Variants in GRIK4 observed in about 807,000 individuals in gnomAD.
GRIK4 encodes the protein glutamate ionotropic receptor kainate type subunit 4.
GRIK4 carries 40 observed loss-of-function variants against 104.9 expected under a neutral mutation model. The ratio of observed to expected loss-of-function variants is 0.38; its 90% CI spans 0.30 to 0.50. The LOEUF (loss-of-function observed/expected upper bound fraction) is 0.50. Among genes scored for constraint, GRIK4 ranks in the 20% least tolerant of loss-of-function variants. The pLI is 0.93. For missense variants in GRIK4, 1,047 were observed against 1,308.1 expected, an observed-to-expected ratio of 0.80 and a Z score of 3.08; for synonymous variants, 485 against 524.9, an observed-to-expected ratio of 0.92 and a Z score of 1.04.
At chr11:120,678,781 G>C (rs569445658) in intron 3 of GRIK4, among the ~76,000 whole-genome samples, 3 of 151,932 alleles carry the variant, frequency 2.0e-5, no homozygotes, top group African/African-American at 7.3e-5. Context: ...TTACAGGTAC[G>C]TGCCACCACA....
intron 3 of GRIK4, among the ~76,000 whole-genome samples, chr11:120,664,358 A>C (rs987364469): frequency 6.6e-5 from 10 of 152,254 alleles, no homozygotes; most frequent in African/African-American, 1.9e-4. Context: ...TTCATTCATT[A>C]ATTAACTCAA....
intron 3 of GRIK4, among the ~76,000 whole-genome samples, chr11:120,730,577 A>AG (rs2135390676): frequency 8.9e-6 from 1 of 112,444 alleles, no homozygotes; most frequent in African/African-American, 3.1e-5. Context: ...TATACATTTT[A>AG]GTTTTTTTTT....
In GRIK4 at chr11:120,682,291, G is replaced by C. The variant is rs147017318; in HGVS notation, c.82+21891G>C. Among the ~76,000 whole-genome samples the C allele has an allele frequency of 1.2e-3, 178 of 152,348 alleles. 5 individuals carry two copies. The East Asian group carries it at 0.03, about 26-fold the overall frequency. ...AGACGGGTGGCGGGAGGGCTTCCCT[G>C]CTGCTGGCAGAAGGCAAGATGGTGG... On this transcript the variant is annotated intron_variant, in intron 3 of 20. Coordinates refer to ENST00000527524, the MANE Select transcript of GRIK4 (RefSeq NM_014619.5).
intron 1 of GRIK4, among the ~76,000 whole-genome samples, chr11:120,579,359 G>C (rs1042767218): frequency 2.0e-5 from 3 of 152,186 alleles, no homozygotes; most frequent in African/African-American, 7.2e-5. Context: ...AGAGTTCAGG[G>C]CAGAGCCTTC....
intron 3 of GRIK4, among the ~76,000 whole-genome samples, chr11:120,683,891 C>A (rs1950236233): frequency 6.6e-6 from 1 of 152,210 alleles, no homozygotes; most frequent in Admixed American, 6.5e-5. Flanking sequence ...CTCTGGAGTA[C>A]CCGTTTGCCA....
At chr11:120,922,004 A>T (rs944504281) in intron 13 of GRIK4, among the ~76,000 whole-genome samples, 7 of 152,094 alleles carry the variant, frequency 4.6e-5, no homozygotes, top group African/African-American at 1.7e-4. Context: ...GTCACAGAGC[A>T]AGTGCCCACC....
At chr11:120,787,225 C>G (rs2186698) in intron 3 of GRIK4, among the ~76,000 whole-genome samples, 133,411 of 151,546 alleles carry the variant, frequency 0.88, 58,889 homozygotes, top group East Asian at 1. Context: ...CAGCTATTCA[C>G]GGCTGAGACA....
intron 1 of GRIK4, among the ~76,000 whole-genome samples, chr11:120,579,441 A>T (rs1305790065): frequency 2.0e-5 from 3 of 152,134 alleles, no homozygotes; most frequent in Non-Finnish European, 4.4e-5. Flanking sequence ...ACAGATGGCC[A>T]GGGTGGACAT....
At chr11:120,743,009 G>A (rs896337440) in intron 3 of GRIK4, among the ~76,000 whole-genome samples, 4 of 152,144 alleles carry the variant, frequency 2.6e-5, no homozygotes, top group Non-Finnish European at 5.9e-5. Context: ...AAGGCAGGTG[G>A]ATCATGAGGT....
At chr11:120,833,591 C>A (rs1272188035) in intron 7 of GRIK4, among the ~76,000 whole-genome samples, 1 of 152,196 alleles carries the variant, frequency 6.6e-6, no homozygotes, top group Non-Finnish European at 1.5e-5. Context: ...CTTCTGGGGG[C>A]CAGCCTTGTG....
intron 1 of GRIK4, among the ~76,000 whole-genome samples, chr11:120,528,733 T>C (rs1947890555): frequency 6.6e-6 from 1 of 152,162 alleles, no homozygotes; most frequent in African/African-American, 2.4e-5. Flanking sequence ...GCAGGGAAAC[T>C]GCCCCTCATA....
chr11:120,529,233 G>A (rs1947898548), intron 1 of GRIK4, among the ~76,000 whole-genome samples: 1 of 152,130 alleles, frequency 6.6e-6, no homozygotes, highest in African/African-American at 2.4e-5. Context: ...CTGAGCTGTG[G>A]GAGGCCAGGC....
intron 1 of GRIK4, among the ~76,000 whole-genome samples, chr11:120,599,529 T>G (rs1268715604): frequency 1.3e-5 from 2 of 152,224 alleles, no homozygotes; most frequent in African/African-American, 4.8e-5. Context: ...AAGGAACGGT[T>G]CAGAAGAATG....
At chr11:120,827,375 C>T (rs929036192) in intron 6 of GRIK4, among the ~76,000 whole-genome samples, 1 of 152,196 alleles carries the variant, frequency 6.6e-6, no homozygotes, top group Non-Finnish European at 1.5e-5. Context: ...CTCATCGATC[C>T]GTCCCGCTGC....
Position 120,940,283 on chromosome 11 carries a change from C to A in GRIK4, c.1477-64C>A. On this transcript the variant is annotated intron_variant, in intron 13 of 20. Transcript: ENST00000527524. The surrounding 1 kb of genome is among the most constrained non-coding windows in gnomAD (Gnocchi z 4.3). ...TCCAATAGCAGTGACGGTTGCTGGTCGCAAGTCTCTGTGCCTCTTCTCCTA... is the reference window on the plus strand; with the variant it reads ...TCCAATAGCAGTGACGGTTGCTGGTAGCAAGTCTCTGTGCCTCTTCTCCTA... The A allele has an allele frequency of 1.0e-6, 1 of 968,890 alleles. No individual in the cohort carries two copies. The highest frequency in any genetic ancestry group is 1.4e-5 in the South Asian group (1 of 70,702). The allele number at this position is 968,890 out of a possible 1,614,324, so 60.0% of individuals were successfully genotyped here.
At chr11:120,974,573 C>T (rs568228714) in intron 19 of GRIK4, among the ~76,000 whole-genome samples, 2 of 152,326 alleles carry the variant, frequency 1.3e-5, no homozygotes, top group East Asian at 3.9e-4. Flanking sequence ...CTGGTGCTTA[C>T]CCCACTTCTA....
intron 3 of GRIK4, among the ~76,000 whole-genome samples, chr11:120,681,752 G>A (rs1166691267): frequency 6.6e-6 from 1 of 152,206 alleles, no homozygotes; most frequent in Non-Finnish European, 1.5e-5. Context: ...CCCCCAGGCT[G>A]GGAACAGGCA....
At chr11:120,852,699 C>T (rs1007987920) in intron 8 of GRIK4, among the ~76,000 whole-genome samples, 3 of 152,212 alleles carry the variant, frequency 2.0e-5, no homozygotes, top group African/African-American at 7.2e-5. Flanking sequence ...CCAGCCTACA[C>T]AGAGAGCACA....
chr11:120,966,393 G>A (rs1400130088), intron 18 of GRIK4, among the ~76,000 whole-genome samples: 3 of 152,146 alleles, frequency 2.0e-5, no homozygotes, highest in African/African-American at 7.2e-5. Flanking sequence ...TTTTTGAAAC[G>A]GAGTCCTCAC....
Sources: gnomAD v4.1 joint callset for allele counts (sites outside exome capture counted in the v4.1 genomes callset) on GRCh38, gnomAD v4.1.1 for gene constraint, Gnocchi (gnomAD v3.1) non-coding constraint, MANE v1.5 for transcripts, NCBI Gene and HGNC (gene_info 2026-07-23, HGNC 2026-07-21) for gene names.